The following KIF9 variants were observed in gnomAD, a reference collection of about 807,000 sequenced individuals.
KIF9 encodes the protein kinesin family member 9.
In KIF9, 68 loss-of-function variants were observed where a neutral mutation model predicts 94.8. The observed-to-expected ratio is 0.72, with a 90% CI of 0.59 to 0.88. The LOEUF is 0.88. Among genes scored for constraint, KIF9 ranks in the 40% least tolerant of loss-of-function variants. KIF9 has a pLI of 0.00. For synonymous variants in KIF9, 343 were observed against 362.1 expected, an observed-to-expected ratio of 0.95 and a Z score of 0.60; for missense variants, 882 against 982.5, an observed-to-expected ratio of 0.90 and a Z score of 1.37.
Position 47,243,104 on chromosome 3 carries a change from G to C in KIF9, c.1656C>G (p.Ser552=). 6.2e-7 allele frequency: 1 copy of C among 1,613,806 alleles called. No homozygotes were observed. Among genetic ancestry groups the C allele is most frequent in the Non-Finnish European group, 8.5e-7 (1 of 1,179,774 alleles). The change falls in exon 16 of 21, where the codon TCC becomes TCG. Residue 552 remains serine (S), a synonymous_variant. Transcript: ENST00000684063. ...AGTCTGAGGGAAGGGGCTCAATGCT[G>C]GAAGTTTCCCGGTCCCGCGAAAGCA... ...KDMLSRDRET[S]SIEPLPSDSP...
At chr3:47,264,177 T>C (rs1307098692) in intron 9 of KIF9, 109 bp downstream of exon 9, 1 of 845,770 alleles carries the variant, frequency 1.2e-6, no homozygotes, top group Non-Finnish European at 2.0e-6. Context: ...CTTCCACTCT[T>C]GACAATGTCT....
intron 8 of KIF9, 38 bp downstream of exon 8, chr3:47,265,692 C>G: frequency 6.2e-7 from 1 of 1,606,426 alleles, no homozygotes; most frequent in Middle Eastern, 1.7e-4. Flanking sequence ...CCCAAAGACA[C>G]AGACCCTCCT....
chr3:47,246,438 C>T (rs374909188), intron 12 of KIF9, 186 bp from the exon 13 acceptor site: 46 of 397,720 alleles, frequency 1.2e-4, no homozygotes, highest in East Asian at 6.1e-4. Flanking sequence ...CAGAGAAACA[C>T]CTGATTAATA....
chr3:47,245,834 T>G (rs1699889399), intron 13 of KIF9: 1 of 476,788 alleles, frequency 2.1e-6, no homozygotes, highest in Non-Finnish European at 3.8e-6. Context: ...AGAGGCCACT[T>G]GGAATCACAT....
chr3:47,236,012 C>A, intron 19 of KIF9, 22 bp downstream of exon 19: 1 of 1,562,454 alleles, frequency 6.4e-7, no homozygotes, highest in Non-Finnish European at 8.8e-7. Context: ...CACTGCCACA[C>A]CCCTGCCCCT....
rs1361277606 is a variant in KIF9, at chr3:47,265,856, C to G, written c.790G>C (p.Glu264Gln). 1 of 1,614,028 alleles carries G rather than the reference C, an allele frequency of 6.2e-7. No individual in the cohort carries two copies. The highest frequency in any genetic ancestry group is 1.3e-5 in the African/African-American group (1 of 74,910). The change falls in exon 8 of 21, where the codon GAA (glutamate) becomes CAA (glutamine). Residue 264 changes from glutamate (E) to glutamine (Q), a missense_variant. Glu to Gln is a conservative substitution (Grantham distance 29). Coordinates refer to ENST00000684063, the MANE Select transcript of KIF9 (RefSeq NM_182902.4). ...KSGSEGQVLKEATYINKSLSF... is the reference protein window; with the variant it reads ...KSGSEGQVLKQATYINKSLSF... Reference sequence around the variant, plus strand: ...AGCGATTTGTTGATGTAGGTGGCTTCCTTCAGGACTTGGCCCTCAGACTAC... The same window carrying G: ...AGCGATTTGTTGATGTAGGTGGCTTGCTTCAGGACTTGGCCCTCAGACTAC...
At chr3:47,280,495 C>T (rs901645192) in intron 1 of KIF9, among the ~76,000 whole-genome samples, 6 of 152,172 alleles carry the variant, frequency 3.9e-5, no homozygotes, top group Non-Finnish European at 7.3e-5. Context: ...CGCTTGAGGC[C>T]AGGAATTAGG....
chr3:47,264,404 A>G (rs1315083405), intron 8 of KIF9, 54 bp from the exon 9 acceptor site: 12 of 1,445,878 alleles, frequency 8.3e-6, no homozygotes, highest in African/African-American at 1.4e-5. Flanking sequence ...TTCTGCTCCA[A>G]AGGAGTTGAT....
intron 2 of KIF9, 101 bp downstream of exon 2, chr3:47,277,181 T>C: frequency 1.3e-6 from 1 of 788,642 alleles, no homozygotes; most frequent in Non-Finnish European, 2.1e-6. Flanking sequence ...TCCTGTCCAA[T>C]TCTGTCTTGG....
chr3:47,265,934 A>C (rs1701264740), intron 7 of KIF9, 57 bp from the exon 8 acceptor site: 2 of 1,586,130 alleles, frequency 1.3e-6, no homozygotes, highest in African/African-American at 2.7e-5. Context: ...CCCCACTAAG[A>C]ATAGCAGTCT....
At chr3:47,276,103 G>C (rs1179758721) in intron 2 of KIF9, among the ~76,000 whole-genome samples, 2 of 152,228 alleles carry the variant, frequency 1.3e-5, no homozygotes, top group African/African-American at 4.8e-5. Context: ...GTAAGCCATT[G>C]TAGTAGCAGC....
At chr3:47,276,815 A>G (rs545427574) in intron 2 of KIF9, among the ~76,000 whole-genome samples, 2 of 152,216 alleles carry the variant, frequency 1.3e-5, no homozygotes, top group Admixed American at 1.3e-4. Context: ...ACACTCTTAC[A>G]CTGTCCTAAG....
At chr3:47,232,307 C>A (rs371051976) in intron 20 of KIF9, among the ~76,000 whole-genome samples, 2 of 151,756 alleles carry the variant, frequency 1.3e-5, no homozygotes, top group African/African-American at 4.8e-5. Flanking sequence ...GTTTTTTTTA[C>A]GGAGTCTCAC....
intron 16 of KIF9, among the ~76,000 whole-genome samples, chr3:47,242,715 G>C (rs2107186195): frequency 6.6e-6 from 1 of 152,336 alleles, no homozygotes; most frequent in Admixed American, 6.5e-5. Flanking sequence ...TGAGTGATTT[G>C]AGGAAAGGGA....
chr3:47,237,476 G>C (rs1699119010), intron 17 of KIF9, among the ~76,000 whole-genome samples: 1 of 152,216 alleles, frequency 6.6e-6, no homozygotes, highest in South Asian at 2.1e-4. Flanking sequence ...ACAAGGGTCA[G>C]TGCTATTAGT....
intron 16 of KIF9, among the ~76,000 whole-genome samples, chr3:47,242,776 T>C (rs1559429760): frequency 6.6e-6 from 1 of 152,226 alleles, no homozygotes; most frequent in Non-Finnish European, 1.5e-5. Context: ...TTGAATGCAG[T>C]ACTTGTACAA....
At position 47,240,986 on chromosome 3, in the gene KIF9, G is replaced by A. The variant is rs1196675706; in HGVS notation, c.1739C>T (p.Ala580Val). The change falls in exon 17 of 21, where the codon GCC becomes GTC. Residue 580 changes from alanine (A) to valine (V), a missense_variant. Ala to Val is a moderately conservative substitution (Grantham distance 64, BLOSUM62 0). Coordinates refer to ENST00000684063, the MANE Select transcript of KIF9 (RefSeq NM_182902.4). ...RPDTPPSKPVAFEEFKNEQGS... is the reference protein window; with the variant it reads ...RPDTPPSKPVVFEEFKNEQGS... ...TTGCTCATTCTTAAACTCCTCAAAG[G>A]CCACTGGTTTGGAGGGTGGGGTGTC... 2.5e-6 allele frequency: 4 copies of A among 1,613,998 alleles called. No individual in the cohort carries two copies. In the South Asian group the frequency reaches 4.4e-5, roughly 18 times the overall value.
At chr3:47,265,527 T>G (rs1337722950) in intron 8 of KIF9, among the ~76,000 whole-genome samples, 2 of 152,202 alleles carry the variant, frequency 1.3e-5, no homozygotes, top group African/African-American at 2.4e-5. Context: ...AGGAAGGTTC[T>G]GAGGAGTGAA....
chr3:47,271,328 G>A lies in KIF9; in HGVS notation c.500C>T (p.Thr167Ile), dbSNP rs746655433. Residue 167 changes from threonine to isoleucine, a missense_variant, in exon 5 of 21, where the codon ACC (threonine) becomes ATC (isoleucine). Thr to Ile is a moderately conservative substitution (Grantham distance 89). Coordinates refer to ENST00000684063, the MANE Select transcript of KIF9 (RefSeq NM_182902.4). Reference sequence around the variant, plus strand: ...GACTCCTTGAGGGTTTTCCACGATGGTCATTGGTGTGACTGAGGGTCCAAC... The same window carrying A: ...GACTCCTTGAGGGTTTTCCACGATGATCATTGGTGTGACTGAGGGTCCAAC... ...PYVGPSVTPM[T>I]IVENPQGVFI... is the part of the protein sequence containing the mutation. 40 of 1,613,844 alleles carry A rather than the reference G, an allele frequency of 2.5e-5. No homozygotes were observed. Among genetic ancestry groups the A allele is most frequent in the Non-Finnish European group, 3.1e-5 (37 of 1,179,974 alleles).
Sources: allele counts gnomAD v4.1 joint callset (sites outside exome capture counted in the v4.1 genomes callset), GRCh38; gene constraint gnomAD v4.1.1; transcripts MANE v1.5; gene names NCBI Gene and HGNC (gene_info 2026-07-23, HGNC 2026-07-21).